TCF3: variants seen among roughly 807,000 people sequenced by gnomAD.
TCF3 encodes transcription factor E2-alpha.
A neutral mutation model predicts 72.3 loss-of-function variants in TCF3; 54 were observed. The ratio of observed to expected loss-of-function variants is 0.75; its 90% CI spans 0.60 to 0.94. The LOEUF is 0.94. Ranked by LOEUF, TCF3 falls within the 40% of genes least tolerant of loss-of-function variation. The pLI is 0.00. For synonymous variants in TCF3, 525 were observed against 412.6 expected (o/e 1.27, Z -3.30); for missense variants, 1,078 against 934.4 (o/e 1.15, Z -2.00).
intron 3 of TCF3, 36 bp from the exon 4 acceptor site, chr19:1,632,441 C>T (rs995037266): frequency 1.9e-6 from 3 of 1,549,416 alleles, no homozygotes; most frequent in African/African-American, 1.4e-5. Context: ...GGGTCACCCT[C>T]ACGCCTGCCC....
intron 3 of TCF3, among the ~76,000 whole-genome samples, chr19:1,641,794 T>C (rs2065281973): frequency 1.3e-5 from 2 of 152,044 alleles, no homozygotes; most frequent in Non-Finnish European, 1.5e-5. Flanking sequence ...GGTTTCTCCA[T>C]GTTGCCCAGG....
intron 1 of TCF3, among the ~76,000 whole-genome samples, chr19:1,651,763 C>T (rs1568542204): frequency 6.6e-6 from 1 of 151,856 alleles, no homozygotes; most frequent in Non-Finnish European, 1.5e-5. Context: ...GCCGCCGCCT[C>T]GCCCCGCATT....
Position 1,634,952 on chromosome 19 carries a change from G to A in TCF3, c.146-2547C>T, listed in dbSNP as rs905161354. Among the ~76,000 whole-genome samples, 9 of 152,284 alleles carry A rather than the reference G, an allele frequency of 5.9e-5. No homozygotes were observed. In the South Asian group the frequency reaches 6.2e-4, roughly 11 times the overall value. ...CAATATTCACTCCTTGGTCCTTTCCGGAGAAGGCTGGCTGACCTTGATACA... is the reference window on the plus strand; with the variant it reads ...CAATATTCACTCCTTGGTCCTTTCCAGAGAAGGCTGGCTGACCTTGATACA... On this transcript the variant is annotated intron_variant, in intron 3 of 18. Coordinates refer to ENST00000262965, the MANE Select transcript of TCF3 (RefSeq NM_003200.5).
chr19:1,651,601 G>C (rs148128528), intron 1 of TCF3, among the ~76,000 whole-genome samples: 9 of 152,188 alleles, frequency 5.9e-5, no homozygotes, highest in Non-Finnish European at 1.0e-4. Flanking sequence ...GAGACTTGGA[G>C]AATGTTTGAA....
At chr19:1,633,100 G>A (rs972644382) in intron 3 of TCF3, among the ~76,000 whole-genome samples, 1 of 152,068 alleles carries the variant, frequency 6.6e-6, no homozygotes, top group Non-Finnish European at 1.5e-5. Context: ...GGGGCGGGGC[G>A]GGCGGGGCCC....
chr19:1,639,100 G>C (rs1432780472), intron 3 of TCF3, among the ~76,000 whole-genome samples: 1 of 152,210 alleles, frequency 6.6e-6, no homozygotes, highest in African/African-American at 2.4e-5. Context: ...GTGGAGTGCG[G>C]TGGCGCGATC....
intron 8 of TCF3, 151 bp downstream of exon 8, chr19:1,623,800 G>A (rs753899237): frequency 6.9e-5 from 50 of 721,736 alleles, no homozygotes; most frequent in Middle Eastern, 4.0e-4. Context: ...AGGCGGCCTC[G>A]GGTCAGAGCT....
intron 1 of TCF3, among the ~76,000 whole-genome samples, chr19:1,651,545 A>C (rs2067061200): frequency 6.6e-6 from 1 of 152,186 alleles, no homozygotes; most frequent in South Asian, 2.1e-4. Context: ...TAAAACGGGC[A>C]TTCTACGGGA....
chr19:1,649,208 C>T (rs377582123), intron 2 of TCF3, among the ~76,000 whole-genome samples: 1 of 152,346 alleles, frequency 6.6e-6, no homozygotes, highest in East Asian at 1.9e-4. Flanking sequence ...TGCTCGGTGG[C>T]CCATGAATTC....
Position 1,615,502 on chromosome 19 carries a change from G to T in TCF3, c.1605C>A (p.Asp535Glu). 1.2e-6 allele frequency: 2 copies of T among 1,608,666 alleles called. No individual in the cohort carries two copies. The highest frequency in any genetic ancestry group is 2.2e-5 in the South Asian group (2 of 91,060). Residue 535 changes from aspartate (D) to glutamate (E), a missense_variant, in exon 18 of 19, where the codon GAC (aspartate) becomes GAA (glutamate). Coordinates refer to ENST00000262965, the MANE Select transcript of TCF3 (RefSeq NM_003200.5). The surrounding 1 kb of genome is among the most constrained non-coding windows in gnomAD (Gnocchi z 7.3). ...CCTTCTGCTCTGGGGGGAGAAGGTC[G>T]TCCTCGTCCTCGTCTGGGCTATGGG... Reference protein sequence around the residue: ...RARTSPDEDEDDLLPPEQKAE... With the variant: ...RARTSPDEDEEDLLPPEQKAE...
rs374726890 is a variant in TCF3 at position 1,615,643 on chromosome 19, C to G, written c.1586+43G>C. 1.9e-6 allele frequency: 3 copies of G among 1,609,094 alleles called. No individual in the cohort carries two copies. In the African/African-American group the frequency reaches 4.0e-5, roughly 22 times the overall value. On this transcript the variant is annotated intron_variant, in intron 17 of 18. Transcript: ENST00000262965. This position sits in a 1 kb window ranked among gnomAD's most constrained non-coding sequence, Gnocchi z 7.3. ...CGTGTGGCCTGTGCACATGTGCGTCCTGATGGGGTGAGGGTGGGGAGTGCC... is the reference window on the plus strand; with the variant it reads ...CGTGTGGCCTGTGCACATGTGCGTCGTGATGGGGTGAGGGTGGGGAGTGCC...
Position 1,627,403 on chromosome 19 carries a change from A to G in TCF3, c.322T>C (p.Tyr108His). ...LGGKSGERGA[Y>H]ASFGRDAGVG... The stretch of plus-strand genomic sequence containing the variant: ...CCTGCGTCTCTCCCGAAGGAGGCAT[A>G]GGCGCCCCGCTCACCGCTCTTGCCT... The change falls in exon 6 of 19, where the codon TAT (tyrosine) becomes CAT (histidine). Residue 108 changes from tyrosine to histidine, a missense_variant. Transcript: ENST00000262965. 1 of 1,612,062 alleles carries G rather than the reference A, an allele frequency of 6.2e-7. No individual in the cohort carries two copies. Among genetic ancestry groups the G allele is most frequent in the Non-Finnish European group, 8.5e-7 (1 of 1,179,726 alleles).
At chr19:1,651,294 T>A (rs2067002641) in intron 1 of TCF3, 1 of 227,692 alleles carries the variant, frequency 4.4e-6, no homozygotes, top group Admixed American at 5.7e-5. Context: ...AGGCTGGGGG[T>A]GGGGAGGAGC....
At chr19:1,619,270 C>T in intron 15 of TCF3, 36 bp from the exon 16 acceptor site, 3 of 1,570,654 alleles carry the variant, frequency 1.9e-6, no homozygotes, top group Non-Finnish European at 8.6e-7. Context: ...TCAGGGGGAG[C>T]CGGGTCCCCG....
In TCF3 at chr19:1,621,846, C is replaced by T. The variant is rs1211194668; in HGVS notation, c.947G>A (p.Ser316Asn). ...SHTPPVSGAD[S>N]LLGSRGTTAG... Reference sequence around the variant, plus strand: ...CCAGGGAGGGGCCATACCCAGGAGGCTGTCGGCCCCGCTGACAGGCGGCGT... The same window carrying T: ...CCAGGGAGGGGCCATACCCAGGAGGTTGTCGGCCCCGCTGACAGGCGGCGT... Residue 316 changes from serine to asparagine, a missense_variant, in exon 11 of 19, where the codon AGC becomes AAC. By Grantham distance (46) the Ser-to-Asn change is conservative. Coordinates refer to ENST00000262965, the MANE Select transcript of TCF3 (RefSeq NM_003200.5). The T allele has an allele frequency of 6.3e-6, 10 of 1,588,936 alleles. No homozygotes were observed. Among genetic ancestry groups the T allele is most frequent in the Non-Finnish European group, 7.7e-6 (9 of 1,169,142 alleles).
intron 5 of TCF3, among the ~76,000 whole-genome samples, chr19:1,629,272 GGGCCCTGGC>G (rs2063391047): frequency 6.6e-6 from 1 of 152,036 alleles, no homozygotes; most frequent in Admixed American, 6.5e-5. Flanking sequence ...ACAGGCCTGG[GGGCCCTGGC>G]GGGGAGCCCC....
chr19:1,651,109 G>A (rs2066966458), intron 1 of TCF3: 1 of 232,310 alleles, frequency 4.3e-6, no homozygotes, highest in Non-Finnish European at 8.5e-6. Flanking sequence ...TGGTCCCAGG[G>A]GGCTCCATTC....
chr19:1,648,639 C>T (rs1160330152), intron 2 of TCF3, among the ~76,000 whole-genome samples: 2 of 152,250 alleles, frequency 1.3e-5, no homozygotes, highest in Admixed American at 6.5e-5. Context: ...CTTCCGGAGC[C>T]TTGGCCCCTC....
chr19:1,618,978 TG>T lies in TCF3; in HGVS notation c.1450+132del, dbSNP rs1310470538. 4.1e-6 allele frequency: 6 copies of T among 1,448,784 alleles called. No homozygotes were observed. In the Middle Eastern group the frequency reaches 9.7e-4, roughly 233 times the overall value. 89.7% of individuals were successfully genotyped at this position (1,448,784 alleles called of 1,614,324 possible). A position where few individuals can be genotyped will look rare whatever the true frequency, so the allele number is the denominator to read the frequency against. ...TACCCACCCTCCTGAAGTTGCTGACTGGGGCGCCCATGTCACCAGGTGCCCC... is the reference window on the plus strand; with the variant it reads ...TACCCACCCTCCTGAAGTTGCTGACTGGGCGCCCATGTCACCAGGTGCCCC... On this transcript the variant is annotated intron_variant, in intron 16 of 18. Transcript: ENST00000262965.
Sources: gnomAD v4.1 joint callset for allele counts (sites outside exome capture counted in the v4.1 genomes callset) on GRCh38, gnomAD v4.1.1 for gene constraint, Gnocchi (gnomAD v3.1) non-coding constraint, MANE v1.5 for transcripts, NCBI Gene and HGNC (gene_info 2026-07-23, HGNC 2026-07-21) for gene names.